Variants in PCDHA5 observed in about 807,000 individuals in gnomAD.
The protein encoded by PCDHA5 is protocadherin alpha-5.
PCDHA5 carries 43 observed loss-of-function variants against 61.6 expected under a neutral mutation model. That is an observed-to-expected ratio of 0.70 (90% CI 0.55 to 0.90). The LOEUF is 0.90. Ranked by LOEUF, PCDHA5 falls within the 40% of genes least tolerant of loss-of-function variation. PCDHA5 has a pLI of 0.00. For synonymous variants in PCDHA5, 627 were observed against 543.9 expected (o/e 1.15, Z -2.13); for missense variants, 1,298 against 1,222.7 (o/e 1.06, Z -0.92).
At chr5:140,901,982 A>G (rs1250710466) in intron 1 of PCDHA5, among the ~76,000 whole-genome samples, 2 of 151,818 alleles carry the variant, frequency 1.3e-5, no homozygotes, top group Non-Finnish European at 1.5e-5. Flanking sequence ...TTACTTTTTA[A>G]TTTCATTTTC....
At chr5:140,830,386 C>G (rs1771037269) in intron 1 of PCDHA5, 10 of 1,614,032 alleles carry the variant, frequency 6.2e-6, no homozygotes, top group Non-Finnish European at 8.5e-6. Flanking sequence ...AGGGCCCACC[C>G]AAGATGGATC....
intron 1 of PCDHA5, chr5:140,884,416 G>T (rs1035372416): frequency 1.2e-6 from 2 of 1,614,006 alleles, no homozygotes; most frequent in East Asian, 4.5e-5. Flanking sequence ...TCACGTTGCT[G>T]CTGTATACTG....
chr5:140,882,245 G>A, intron 1 of PCDHA5: 1 of 1,592,614 alleles, frequency 6.3e-7, no homozygotes, highest in Non-Finnish European at 8.6e-7. Context: ...ATTGCAGATA[G>A]CTCTGAGGTT....
chr5:140,922,412 G>A lies in PCDHA5; in HGVS notation c.2353-56537G>A, dbSNP rs80310986. Among the ~76,000 whole-genome samples the A allele has an allele frequency of 7.3e-3, 1,117 of 152,260 alleles. 9 individuals carry two copies. Among genetic ancestry groups the A allele is most frequent in the Non-Finnish European group, 0.011 (755 of 68,032 alleles). ...CCTTGTTTTGGATTAAAAAGATCTA[G>A]GTACAGAGGCTGAGGGCAGAACTCT... is the stretch of plus-strand genomic sequence containing the variant. On this transcript the variant is annotated intron_variant, in intron 1 of 3. Coordinates refer to ENST00000529859, the MANE Select transcript of PCDHA5 (RefSeq NM_018908.3).
chr5:140,921,030 G>C (rs1266143728), intron 1 of PCDHA5, among the ~76,000 whole-genome samples: 2 of 151,532 alleles, frequency 1.3e-5, no homozygotes, highest in Admixed American at 6.6e-5. Context: ...TCTAGACTGG[G>C]GTGCAGTGGG....
At chr5:140,857,441 G>A (rs1554150037) in intron 1 of PCDHA5, 3 of 1,598,446 alleles carry the variant, frequency 1.9e-6, no homozygotes, top group African/African-American at 1.3e-5. Context: ...GTTCGTGAAG[G>A]AGAACAACCC....
At chr5:140,917,699 A>G (rs980073163) in intron 1 of PCDHA5, among the ~76,000 whole-genome samples, 1 of 152,058 alleles carries the variant, frequency 6.6e-6, no homozygotes, top group Non-Finnish European at 1.5e-5. Flanking sequence ...AGATCAGATA[A>G]TTGTAGGTGT....
intron 1 of PCDHA5, chr5:140,842,158 T>C: frequency 3.1e-6 from 5 of 1,613,882 alleles, no homozygotes; most frequent in Non-Finnish European, 4.2e-6. Flanking sequence ...CAATTTCATA[T>C]TCTTTTAATA....
In PCDHA5 at chr5:140,836,794, C is replaced by G. The variant is rs2150270032; in HGVS notation, c.2352+12667C>G. 3.6e-6 allele frequency: 5 copies of G among 1,396,752 alleles called. 1 individual carries two copies. The East Asian group carries it at 9.2e-5, about 26-fold the overall frequency. The allele number at this position is 1,396,752 out of a possible 1,614,324, so 86.5% of individuals were successfully genotyped here. ...TTTTAAAACAATTAGTTCAATTGGT[C>G]TCCTTAAATTTTCTTTCATAATTTC... is the stretch of plus-strand genomic sequence containing the variant. On this transcript the variant is annotated intron_variant, in intron 1 of 3. Coordinates refer to ENST00000529859, the MANE Select transcript of PCDHA5 (RefSeq NM_018908.3).
intron 1 of PCDHA5, chr5:140,967,123 C>A (rs1554229191): frequency 4.3e-6 from 7 of 1,612,606 alleles, no homozygotes; most frequent in African/African-American, 2.7e-5. Context: ...GCTGCCTGCT[C>A]AGCTTGGAAG....
intron 1 of PCDHA5, among the ~76,000 whole-genome samples, chr5:140,959,381 A>G (rs2095484925): frequency 6.6e-6 from 1 of 152,190 alleles, no homozygotes; most frequent in African/African-American, 2.4e-5. Flanking sequence ...CTCAAAAAAA[A>G]AAGTCACAAA....
rs532609088 is a variant in PCDHA5, at chr5:140,890,699, T to A, written c.2352+66572T>A. 2.6e-5 allele frequency among the ~76,000 whole-genome samples: 4 copies of A among 152,312 alleles called. No homozygotes were observed. In the East Asian group the frequency reaches 7.7e-4, roughly 29 times the overall value. On this transcript the variant is annotated intron_variant, in intron 1 of 3. Transcript: ENST00000529859. ...CTCCTTCTGGGAAATGCAGGGACCT[T>A]ACATTTTTAAAATCTTTTTAATCCC... is the stretch of plus-strand genomic sequence containing the variant.
chr5:140,996,478 A>C (rs1241472780), intron 3 of PCDHA5, among the ~76,000 whole-genome samples: 1 of 152,214 alleles, frequency 6.6e-6, no homozygotes, highest in East Asian at 1.9e-4. Flanking sequence ...AGTAGTGCTC[A>C]GGCCTGGGCA....
chr5:140,875,579 A>G (rs552791418), intron 1 of PCDHA5: 3 of 1,614,050 alleles, frequency 1.9e-6, no homozygotes, highest in Non-Finnish European at 2.5e-6. Context: ...TACTCCGTCT[A>G]CGAGGAGGCC....
At chr5:140,882,247 T>C in intron 1 of PCDHA5, 1 of 1,594,292 alleles carries the variant, frequency 6.3e-7, no homozygotes, top group Non-Finnish European at 8.6e-7. Context: ...TGCAGATAGC[T>C]CTGAGGTTTT....
At chr5:140,902,953 C>T (rs549407032) in intron 1 of PCDHA5, among the ~76,000 whole-genome samples, 24 of 152,278 alleles carry the variant, frequency 1.6e-4, no homozygotes, top group East Asian at 1.3e-3. Flanking sequence ...TCTTTATCCA[C>T]TTGTTGGCTG....
intron 1 of PCDHA5, chr5:140,828,272 C>G: frequency 6.2e-7 from 1 of 1,614,040 alleles, no homozygotes. Context: ...GGAGCTGGTG[C>G]CGCGCCTGTT....
intron 1 of PCDHA5, among the ~76,000 whole-genome samples, chr5:140,906,235 C>G (rs1319955366): frequency 1.3e-5 from 2 of 152,174 alleles, no homozygotes; most frequent in African/African-American, 4.8e-5. Flanking sequence ...CTCCCCTTGT[C>G]AACTTGAACC....
At chr5:140,858,247 G>A in intron 1 of PCDHA5, 2 of 1,596,540 alleles carry the variant, frequency 1.3e-6, no homozygotes, top group East Asian at 4.5e-5. Flanking sequence ...GTGGGCCGGT[G>A]AAGCCCACGC....
Sources: allele counts gnomAD v4.1 joint callset (sites outside exome capture counted in the v4.1 genomes callset), GRCh38; gene constraint gnomAD v4.1.1; transcripts MANE v1.5; gene names NCBI Gene and HGNC (gene_info 2026-07-23, HGNC 2026-07-21).